APBA1: variants seen among roughly 807,000 people sequenced by gnomAD.
APBA1 encodes the protein amyloid-beta A4 precursor protein-binding family A member 1.
APBA1 carries 55 observed loss-of-function variants against 86.6 expected under a neutral mutation model. That is an observed-to-expected ratio of 0.64 (90% CI 0.51 to 0.80). The LOEUF (loss-of-function observed/expected upper bound fraction) is 0.80, where lower values mean the gene tolerates loss of function less well. Among genes scored for constraint, APBA1 ranks in the 30% least tolerant of loss-of-function variants. APBA1 has a pLI of 0.00. For missense variants in APBA1, 1,090 were observed against 1,183.0 expected, an observed-to-expected ratio of 0.92 and a Z score of 1.15; for synonymous variants, 511 against 493.9, an observed-to-expected ratio of 1.03 and a Z score of -0.46.
Position 69,440,827 on chromosome 9 carries a change from C to T in APBA1, c.2301+169G>A, listed in dbSNP as rs188551606. Among the ~76,000 whole-genome samples, 36 of 152,270 alleles carry T rather than the reference C, an allele frequency of 2.4e-4. No homozygotes were observed. In the East Asian group the frequency reaches 6.0e-3, roughly 25 times the overall value. On this transcript the variant is annotated intron_variant, in intron 11 of 12. Coordinates refer to ENST00000265381, the MANE Select transcript of APBA1 (RefSeq NM_001163.4). ...ACCGGCACTCCCCAGTGAGATGAAC[C>T]TGGTACCTCAGTTGGAAATGCAGAA... is the stretch of plus-strand genomic sequence containing the variant.
intron 1 of APBA1, among the ~76,000 whole-genome samples, chr9:69,664,024 T>A (rs552021448): frequency 6.6e-6 from 1 of 152,252 alleles, no homozygotes; most frequent in African/African-American, 2.4e-5. Flanking sequence ...GGCAACTGAT[T>A]TTAAAGAGAG....
At chr9:69,667,864 C>T (rs1229838263) in intron 1 of APBA1, among the ~76,000 whole-genome samples, 1 of 152,054 alleles carries the variant, frequency 6.6e-6, no homozygotes, top group East Asian at 1.9e-4. Context: ...GCCACTTCCA[C>T]CTACCACAAA....
intron 8 of APBA1, among the ~76,000 whole-genome samples, chr9:69,453,963 C>CCTGAGAAGGGGCTGGGGG (rs1835054411): frequency 1.3e-5 from 2 of 152,230 alleles, no homozygotes; most frequent in South Asian, 4.1e-4. Flanking sequence ...CTGCACACTT[C>CCTGAGAAGGGGCTGGGGG]CTGAGAAGGG....
chr9:69,658,222 CTCTT>C lies in APBA1; in HGVS notation c.-70+13927_-70+13930del, dbSNP rs1212486587. ...ATGTTGTCCTACTCAAGTCCTTTCT[CTCTT>C]TCTTTCTTTCTTTCTTTCTTTCTTT... is the stretch of plus-strand genomic sequence containing the variant. On this transcript the variant is annotated intron_variant, in intron 1 of 12. Transcript: ENST00000265381. 7.6e-3 allele frequency among the ~76,000 whole-genome samples: 791 copies of C among 104,258 alleles called. 17 individuals carry two copies. Among genetic ancestry groups the C allele is most frequent in the African/African-American group, 0.023 (746 of 31,892 alleles). 68.4% of individuals were successfully genotyped at this position (104,258 alleles called of 152,430 possible). A position where few individuals can be genotyped will look rare whatever the true frequency, so the allele number is the denominator to read the frequency against.
rs368958036 is a variant in APBA1, at chr9:69,440,946, T to C, written c.2301+50A>G. 2.5e-6 allele frequency: 4 copies of C among 1,592,068 alleles called. No individual in the cohort carries two copies. The African/African-American group carries it at 5.4e-5, about 21-fold the overall frequency. On this transcript the variant is annotated intron_variant, in intron 11 of 12. Transcript: ENST00000265381. ...GCTCCACCCCCCCAGCCATGCTACA[T>C]TTTTATTTGTCAACATTGTGGAAAA...
intron 1 of APBA1, among the ~76,000 whole-genome samples, chr9:69,587,981 G>A (rs1198775657): frequency 6.9e-6 from 1 of 145,418 alleles, no homozygotes; most frequent in Non-Finnish European, 1.5e-5. Flanking sequence ...AATTGAGATT[G>A]TGCCATCGTA....
chr9:69,491,328 C>T (rs1298410564), intron 2 of APBA1, among the ~76,000 whole-genome samples: 2 of 151,940 alleles, frequency 1.3e-5, no homozygotes, highest in African/African-American at 4.8e-5. Context: ...AGCTGGAAAC[C>T]ATCATTCTCA....
At chr9:69,590,463 A>G (rs1351171971) in intron 1 of APBA1, among the ~76,000 whole-genome samples, 1 of 152,158 alleles carries the variant, frequency 6.6e-6, no homozygotes, top group Non-Finnish European at 1.5e-5. Context: ...CAAAATAATG[A>G]GGCTGGACCA....
chr9:69,588,707 G>T (rs1162686497), intron 1 of APBA1, among the ~76,000 whole-genome samples: 1 of 152,122 alleles, frequency 6.6e-6, no homozygotes, highest in Non-Finnish European at 1.5e-5. Context: ...CACGATTATG[G>T]CAACTAATAT....
chr9:69,659,375 A>G (rs1823706014), intron 1 of APBA1, among the ~76,000 whole-genome samples: 2 of 152,234 alleles, frequency 1.3e-5, no homozygotes, highest in African/African-American at 4.8e-5. Context: ...ATCATAATAA[A>G]TGACACCTGA....
intron 2 of APBA1, among the ~76,000 whole-genome samples, chr9:69,486,127 T>C (rs1362466451): frequency 1.3e-5 from 2 of 152,032 alleles, no homozygotes; most frequent in Non-Finnish European, 2.9e-5. Flanking sequence ...AATTTTTGTA[T>C]TTTTGGTAGA....
intron 1 of APBA1, among the ~76,000 whole-genome samples, chr9:69,526,996 A>C (rs1300461215): frequency 6.6e-6 from 1 of 152,116 alleles, no homozygotes; most frequent in Non-Finnish European, 1.5e-5. Context: ...CAAACACTAC[A>C]TGTTCTCACT....
At chr9:69,447,644 G>A (rs574651071) in intron 10 of APBA1, among the ~76,000 whole-genome samples, 1 of 152,202 alleles carries the variant, frequency 6.6e-6, no homozygotes, top group Admixed American at 6.5e-5. Context: ...CACCCTCCCT[G>A]GGATGACTCT....
chr9:69,522,570 A>G (rs1836270983), intron 1 of APBA1, among the ~76,000 whole-genome samples: 1 of 152,214 alleles, frequency 6.6e-6, no homozygotes, highest in South Asian at 2.1e-4. Flanking sequence ...AAAAGTTTCT[A>G]AACTATGGTT....
At chr9:69,545,100 T>C (rs1836676813) in intron 1 of APBA1, among the ~76,000 whole-genome samples, 1 of 152,232 alleles carries the variant, frequency 6.6e-6, no homozygotes, top group South Asian at 2.1e-4. Flanking sequence ...TCTACAGAAA[T>C]TTAGAAATGG....
intron 4 of APBA1, among the ~76,000 whole-genome samples, chr9:69,470,752 G>C (rs1835354166): frequency 6.6e-6 from 1 of 152,174 alleles, no homozygotes; most frequent in African/African-American, 2.4e-5. Context: ...CCTCCTTCAA[G>C]GAAATGGCGA....
chr9:69,511,130 C>A (rs1474428838), intron 2 of APBA1, among the ~76,000 whole-genome samples: 4 of 151,938 alleles, frequency 2.6e-5, no homozygotes, highest in Non-Finnish European at 5.9e-5. Flanking sequence ...TCAGAGTGAA[C>A]AGGCAACCTA....
intron 5 of APBA1, chr9:69,460,638 C>T (rs561537418): frequency 4.0e-4 from 61 of 151,896 alleles, no homozygotes; most frequent in African/African-American, 1.4e-3. Flanking sequence ...GTTCCACCAT[C>T]ACTGGAGTAC....
chr9:69,498,930 C>T (rs890138832), intron 2 of APBA1, among the ~76,000 whole-genome samples: 3 of 152,086 alleles, frequency 2.0e-5, no homozygotes, highest in African/African-American at 7.2e-5. Flanking sequence ...ACATTTATAC[C>T]TCTGATACCA....
Sources: allele counts gnomAD v4.1 joint callset (sites outside exome capture counted in the v4.1 genomes callset), GRCh38; gene constraint gnomAD v4.1.1; transcripts MANE v1.5; gene names NCBI Gene and HGNC (gene_info 2026-07-23, HGNC 2026-07-21).